The following AKT2 variants were observed in gnomAD, a reference collection of about 807,000 sequenced individuals.
AKT2 encodes RAC-beta serine/threonine-protein kinase.
In AKT2, 16 loss-of-function variants were observed where a neutral mutation model predicts 58.6. That is an observed-to-expected ratio of 0.27 (90% CI 0.18 to 0.41). AKT2 has a LOEUF of 0.41. Among genes scored for constraint, AKT2 ranks in the 10% least tolerant of loss-of-function variants. The pLI is 1.00. For synonymous variants in AKT2, 253 were observed against 254.0 expected (o/e 1.00, Z 0.04); for missense variants, 438 against 661.0 (o/e 0.66, Z 3.70).
At chr19:40,259,304 A>T in intron 2 of AKT2, among the ~76,000 whole-genome samples, 1 of 152,178 alleles carries the variant, frequency 6.6e-6, no homozygotes. Flanking sequence ...TGCCCAGAGT[A>T]GCCTATCCTC....
At chr19:40,239,021 T>C (rs1213429630) in intron 7 of AKT2, 48 bp from the exon 8 acceptor site, 2 of 1,584,644 alleles carry the variant, frequency 1.3e-6, no homozygotes, top group South Asian at 2.2e-5. Context: ...AGGAGGGCTC[T>C]GCTGAGCCAT....
chr19:40,267,608 G>A (rs972167512), intron 1 of AKT2, among the ~76,000 whole-genome samples: 10 of 152,194 alleles, frequency 6.6e-5, no homozygotes, highest in African/African-American at 2.4e-4. Flanking sequence ...CAGTAGACCA[G>A]CAAAGCGTCT....
intron 4 of AKT2, among the ~76,000 whole-genome samples, chr19:40,247,127 T>C (rs974954512): frequency 1.3e-5 from 2 of 152,072 alleles, no homozygotes; most frequent in East Asian, 1.9e-4. Context: ...AGTTGCAAGG[T>C]TGCAGCACTC....
chr19:40,241,902 A>C (rs1974429908), intron 6 of AKT2, 36 bp downstream of exon 6: 2 of 1,612,452 alleles, frequency 1.2e-6, no homozygotes, highest in Middle Eastern at 1.7e-4. Flanking sequence ...CGCAGCCCCC[A>C]CAGAGGCTCG....
intron 1 of AKT2, among the ~76,000 whole-genome samples, chr19:40,271,057 T>C (rs1292698189): frequency 6.8e-6 from 1 of 147,628 alleles, no homozygotes; most frequent in East Asian, 2.0e-4. Context: ...CAAAAAAAGC[T>C]GGCCGGGCAC....
chr19:40,235,410 CT>C lies in AKT2; in HGVS notation c.1176-61del. ...GAGCAGCTGGGTTCGGGCAGACGGG[CT>C]TTCGGAGCAGGCAGGCCCTGTATGG... On this transcript the variant is annotated intron_variant, in intron 11 of 13. Transcript: ENST00000392038. The surrounding 1 kb of genome is among the most constrained non-coding windows in gnomAD (Gnocchi z 6.3). 6.5e-7 allele frequency: 1 copy of C among 1,529,696 alleles called. No homozygotes were observed. 94.8% of individuals were successfully genotyped at this position (1,529,696 alleles called of 1,614,324 possible).
At chr19:40,248,571 T>C (rs946824497) in intron 4 of AKT2, among the ~76,000 whole-genome samples, 1 of 151,806 alleles carries the variant, frequency 6.6e-6, no homozygotes, top group African/African-American at 2.4e-5. Context: ...ATGAAATAAA[T>C]GAAATGGAGG....
rs376789717 is a variant in AKT2 at position 40,236,149 on chromosome 19, C to T, written c.961-45G>A. 1.9e-6 allele frequency: 3 copies of T among 1,613,394 alleles called. No homozygotes were observed. The African/African-American group carries it at 4.0e-5, about 22-fold the overall frequency. On this transcript the variant is annotated intron_variant, in intron 10 of 13. Transcript: ENST00000392038. ...GAGGGCTGGGCCCGTGGCCCTGAGG[C>T]TGGCATCACAGTCCTGCCCTCAGGG...
chr19:40,242,488 G>T lies in AKT2; in HGVS notation c.441+46C>A. On this transcript the variant is annotated intron_variant, in intron 5 of 13. Transcript: ENST00000392038. The surrounding 1 kb of genome is among the most constrained non-coding windows in gnomAD (Gnocchi z 4.3). ...AGGAGAGCAGGCCAGCACTGGGGGT[G>T]GGGGCACCGCAGGCTGGCAGCCCCA... 1.2e-6 allele frequency: 2 copies of T among 1,610,658 alleles called. No homozygotes were observed. The highest frequency in any genetic ancestry group is 1.7e-6 in the Non-Finnish European group (2 of 1,179,346).
At chr19:40,249,500 C>G (rs1041174601) in intron 4 of AKT2, among the ~76,000 whole-genome samples, 1 of 152,218 alleles carries the variant, frequency 6.6e-6, no homozygotes, top group African/African-American at 2.4e-5. Context: ...CTGCGGGGCA[C>G]CCCAGAGAGA....
intron 3 of AKT2, among the ~76,000 whole-genome samples, chr19:40,256,337 C>G (rs935604984): frequency 6.6e-6 from 1 of 152,102 alleles, no homozygotes; most frequent in African/African-American, 2.4e-5. Context: ...ATGTTCTTAG[C>G]AGGCAGAACA....
rs556283922 is a variant in AKT2 at position 40,279,876 on chromosome 19, A to C, written c.-85+5305T>G. On this transcript the variant is annotated intron_variant, in intron 1 of 13. Coordinates refer to ENST00000392038, the MANE Select transcript of AKT2 (RefSeq NM_001626.6). ...AGTTCTCACCACTTGTAAAGCGGGAATCAGAGAAGATTCCTCCTGGGTCTA... is the reference window on the plus strand; with the variant it reads ...AGTTCTCACCACTTGTAAAGCGGGACTCAGAGAAGATTCCTCCTGGGTCTA... Among the ~76,000 whole-genome samples the C allele has an allele frequency of 4.1e-4, 63 of 152,268 alleles. 2 individuals carry two copies. Among genetic ancestry groups the C allele is most frequent in the Admixed American group, 4.1e-3 (62 of 15,302 alleles).
intron 1 of AKT2, among the ~76,000 whole-genome samples, chr19:40,273,933 G>A (rs1031868884): frequency 1.3e-5 from 2 of 152,064 alleles, no homozygotes; most frequent in Non-Finnish European, 2.9e-5. Flanking sequence ...CCTTGGCCCC[G>A]CCTGCTCTCC....
intron 1 of AKT2, chr19:40,270,375 A>AT (rs1299519360): frequency 6.6e-6 from 1 of 151,620 alleles, no homozygotes; most frequent in African/African-American, 2.4e-5. Context: ...TGGGTACTTA[A>AT]TAAGTATCTG....
intron 1 of AKT2, among the ~76,000 whole-genome samples, chr19:40,278,885 C>A (rs575054603): frequency 2.0e-5 from 3 of 151,930 alleles, no homozygotes; most frequent in Non-Finnish European, 4.4e-5. Context: ...CCACAGCCAC[C>A]GAGAGGGGTG....
Position 40,241,935 on chromosome 19 carries a change from C to T in AKT2, c.573+3G>A, listed in dbSNP as rs2145202093. On this transcript the variant is annotated splice_donor_region_variant and intron_variant, in intron 6 of 13. Coordinates refer to ENST00000392038, the MANE Select transcript of AKT2 (RefSeq NM_001626.6). ...TCGCGAGCGCAATTCCCGGGGCACGCACCTTGGCAATGATGACTTCCTTCC... is the reference window on the plus strand; with the variant it reads ...TCGCGAGCGCAATTCCCGGGGCACGTACCTTGGCAATGATGACTTCCTTCC... The T allele has an allele frequency of 6.2e-7, 1 of 1,613,852 alleles. No individual in the cohort carries two copies. The highest frequency in any genetic ancestry group is 8.5e-7 in the Non-Finnish European group (1 of 1,180,036).
rs901348440 is a variant in AKT2, at chr19:40,242,742, G to T, written c.288-55C>A. 7 of 1,590,990 alleles carry T rather than the reference G, an allele frequency of 4.4e-6. No homozygotes were observed. Among genetic ancestry groups the T allele is most frequent in the South Asian group, 1.1e-5 (1 of 90,376 alleles). Reference sequence around the variant, plus strand: ...GCCAGGAGTCCTGGGCCTCAGAGTCGAACAGCTGAGTGCCACCTCCCAGCC... The same window carrying T: ...GCCAGGAGTCCTGGGCCTCAGAGTCTAACAGCTGAGTGCCACCTCCCAGCC... On this transcript the variant is annotated intron_variant, in intron 4 of 13. Transcript: ENST00000392038. The surrounding 1 kb of genome is among the most constrained non-coding windows in gnomAD (Gnocchi z 4.3).
intron 2 of AKT2, 75 bp downstream of exon 2, chr19:40,265,147 T>A: frequency 6.4e-7 from 1 of 1,570,188 alleles, no homozygotes; most frequent in South Asian, 1.2e-5. Flanking sequence ...CCTCCGCCTC[T>A]GCCTCTCAGG....
intron 2 of AKT2, among the ~76,000 whole-genome samples, chr19:40,261,006 A>G (rs1975906808): frequency 6.6e-6 from 1 of 152,254 alleles, no homozygotes; most frequent in Admixed American, 6.5e-5. Context: ...AAAAGGCCAC[A>G]TATGATTCCA....
Sources: gnomAD v4.1 joint callset for allele counts (sites outside exome capture counted in the v4.1 genomes callset) on GRCh38, gnomAD v4.1.1 for gene constraint, Gnocchi (gnomAD v3.1) non-coding constraint, MANE v1.5 for transcripts, NCBI Gene and HGNC (gene_info 2026-07-23, HGNC 2026-07-21) for gene names.